DUSP22: variants seen among roughly 807,000 people sequenced by gnomAD.
DUSP22 encodes dual specificity phosphatase 22, also known as dual specificity protein phosphatase 22.
In DUSP22, 24 loss-of-function variants were observed where a neutral mutation model predicts 24.5. The ratio of observed to expected loss-of-function variants is 0.98; its 90% CI spans 0.71 to 1.38. The LOEUF (loss-of-function observed/expected upper bound fraction) is 1.38, where lower values mean the gene tolerates loss of function less well. DUSP22 is among the 40% of genes most tolerant of loss of function. The pLI is 0.00. For missense variants in DUSP22, 330 were observed against 269.2 expected, an observed-to-expected ratio of 1.23 and a Z score of -1.58; for synonymous variants, 160 against 106.4, an observed-to-expected ratio of 1.50 and a Z score of -3.10.
At chr6:322,726 C>T (rs142203571) in intron 3 of DUSP22, among the ~76,000 whole-genome samples, 384 of 151,938 alleles carry the variant, frequency 2.5e-3, no homozygotes, top group African/African-American at 8.6e-3. Context: ...GGGACAGCAC[C>T]GTGTGTGGCT....
Position 348,783 on chromosome 6 carries a change from G to A in DUSP22, c.450G>A (p.Leu150=). The A allele has an allele frequency of 6.2e-7, 1 of 1,614,304 alleles. No individual in the cohort carries two copies. ...ATCCTCTCCAGTATCGGCAGTGGCT[G>A]AAGGAAGAATATGGAGAGAGCCCTT... ...KHEVHQYRQW[L]KEEYGESPLQ... is the part of the protein sequence containing the mutation. Residue 150 remains leucine, a synonymous_variant, in exon 7 of 7, where the codon CTG becomes CTA. Transcript: ENST00000419235.
chr6:338,450 A>G (rs7765900), intron 4 of DUSP22, among the ~76,000 whole-genome samples: 4,557 of 150,794 alleles, frequency 0.03, 5 homozygotes, highest in African/African-American at 0.11. Flanking sequence ...CTCTCGGGGT[A>G]TTTATTAAGG....
intron 3 of DUSP22, among the ~76,000 whole-genome samples, chr6:332,493 G>T (rs1444684675): frequency 2.0e-5 from 3 of 152,304 alleles, no homozygotes; most frequent in African/African-American, 7.2e-5. Context: ...GCCTGAGTTG[G>T]TCCTTTTGCT....
intron 6 of DUSP22, 55 bp downstream of exon 6, chr6:348,329 CCA>C: frequency 6.2e-7 from 1 of 1,606,778 alleles, no homozygotes; most frequent in Non-Finnish European, 8.5e-7. Context: ...TGAACGGTGC[CCA>C]CAGTCTTTCC....
At chr6:327,797 A>G (rs750179473) in intron 3 of DUSP22, among the ~76,000 whole-genome samples, 225 of 152,342 alleles carry the variant, frequency 1.5e-3, no homozygotes, top group Non-Finnish European at 2.0e-3. Context: ...AGAAAACCAC[A>G]GGGACTTGGC....
chr6:327,925 G>GA (rs1758960599), intron 3 of DUSP22, among the ~76,000 whole-genome samples: 1 of 152,304 alleles, frequency 6.6e-6, no homozygotes, highest in African/African-American at 2.4e-5. Context: ...GTGAGGTCAG[G>GA]AAGGGGGTTG....
At chr6:314,002 G>C (rs148182316) in intron 3 of DUSP22, among the ~76,000 whole-genome samples, 5 of 152,296 alleles carry the variant, frequency 3.3e-5, no homozygotes, top group African/African-American at 1.2e-4. Context: ...GTGTCCTCAC[G>C]CAGCCTGAGA....
rs568411248 is a variant in DUSP22 at position 293,651 on chromosome 6, C to T, written c.21+1091C>T. On this transcript the variant is annotated intron_variant, in intron 1 of 6. Transcript: ENST00000419235. ...CTGGAGTGTTGCAAATGCGGATTCA[C>T]GGTAGGGCAGGGAAAACCTAGCTAA... Among the ~76,000 whole-genome samples, 6 of 152,392 alleles carry T rather than the reference C, an allele frequency of 3.9e-5. No homozygotes were observed. The South Asian group carries it at 1.0e-3, about 26-fold the overall frequency.
chr6:334,603 C>G (rs1182883449), intron 3 of DUSP22, among the ~76,000 whole-genome samples: 2 of 152,302 alleles, frequency 1.3e-5, no homozygotes, highest in Non-Finnish European at 2.9e-5. Flanking sequence ...AAATTATCCC[C>G]AGGGTAAAGC....
At chr6:315,737 T>C (rs1763145061) in intron 3 of DUSP22, among the ~76,000 whole-genome samples, 1 of 152,304 alleles carries the variant, frequency 6.6e-6, no homozygotes, top group African/African-American at 2.4e-5. Flanking sequence ...CAGAAAGTTC[T>C]TCCCTTTGAA....
chr6:329,704 G>A (rs1313244678), intron 3 of DUSP22, among the ~76,000 whole-genome samples: 1 of 152,298 alleles, frequency 6.6e-6, no homozygotes, highest in Non-Finnish European at 1.5e-5. Flanking sequence ...CACCTGCCTT[G>A]CCCTCCCAAA....
intron 6 of DUSP22, 37 bp downstream of exon 6, chr6:348,311 G>A (rs762887899): frequency 1.2e-6 from 2 of 1,612,780 alleles, no homozygotes; most frequent in Non-Finnish European, 1.7e-6. Flanking sequence ...GATGCAGGCA[G>A]GTGCCCCTGA....
chr6:301,048 T>C (rs754563280), intron 1 of DUSP22, among the ~76,000 whole-genome samples: 57 of 152,412 alleles, frequency 3.7e-4, no homozygotes, highest in Non-Finnish European at 7.2e-4. Context: ...TGCAGACTTG[T>C]TACACGTGGG....
intron 2 of DUSP22, among the ~76,000 whole-genome samples, chr6:311,262 G>C (rs1758073853): frequency 6.6e-6 from 1 of 152,308 alleles, no homozygotes; most frequent in Non-Finnish European, 1.5e-5. Context: ...TCAAGGGGGA[G>C]GGAGAGGAGA....
At chr6:302,247 C>A (rs532472175) in intron 1 of DUSP22, among the ~76,000 whole-genome samples, 43 of 152,410 alleles carry the variant, frequency 2.8e-4, no homozygotes, top group African/African-American at 8.9e-4. Context: ...CGCGTAAGAT[C>A]GTCTTCCTCA....
chr6:318,722 C>A (rs1758442081), intron 3 of DUSP22, among the ~76,000 whole-genome samples: 1 of 152,312 alleles, frequency 6.6e-6, no homozygotes, highest in African/African-American at 2.4e-5. Context: ...ACATCTCATA[C>A]ACACAGATGT....
At position 330,692 on chromosome 6, in the gene DUSP22, G is replaced by A. The variant is rs536666677; in HGVS notation, c.139-4422G>A. 2.0e-5 allele frequency among the ~76,000 whole-genome samples: 3 copies of A among 152,420 alleles called. No individual in the cohort carries two copies. In the South Asian group the frequency reaches 6.2e-4, roughly 32 times the overall value. On this transcript the variant is annotated intron_variant, in intron 3 of 6. Transcript: ENST00000419235. ...AGAACTTTTGAGAAGATGGACTCAG[G>A]CAGCTCTAAGCTCTGGTTTGAAGAG...
chr6:304,826 T>C (rs573351478), intron 2 of DUSP22, among the ~76,000 whole-genome samples, 165 bp downstream of exon 2: 2 of 152,420 alleles, frequency 1.3e-5, no homozygotes, highest in East Asian at 3.8e-4. Context: ...AAACTGAAAC[T>C]GTGTCCCTTA....
intron 2 of DUSP22, 36 bp from the exon 3 acceptor site, chr6:311,844 G>T (rs759767238): frequency 6.3e-7 from 1 of 1,584,090 alleles, no homozygotes; most frequent in East Asian, 2.3e-5. Flanking sequence ...AACTTGCAAA[G>T]ATATCAAAAT....
Sources: allele counts gnomAD v4.1 joint callset (sites outside exome capture counted in the v4.1 genomes callset), GRCh38; gene constraint gnomAD v4.1.1; transcripts MANE v1.5; gene names NCBI Gene and HGNC (gene_info 2026-07-23, HGNC 2026-07-21).